Variants in ADAMTS14 observed in about 807,000 individuals in gnomAD.
ADAMTS14 encodes the protein ADAM metallopeptidase with thrombospondin type 1 motif 14, also known as A disintegrin and metalloproteinase with thrombospondin motifs 14.
Under a neutral mutation model 128.6 loss-of-function variants are expected in ADAMTS14, and 100 were observed. The ratio of observed to expected loss-of-function variants is 0.78; its 90% confidence interval spans 0.66 to 0.92. The LOEUF (loss-of-function observed/expected upper bound fraction) is 0.92, where lower values mean the gene tolerates loss of function less well. Ranked by LOEUF, ADAMTS14 falls within the 40% of genes least tolerant of loss-of-function variation. The pLI is 0.00. For missense variants in ADAMTS14, 1,562 were observed against 1,658.6 expected, an observed-to-expected ratio of 0.94 and a Z score of 1.01; for synonymous variants, 665 against 653.8, an observed-to-expected ratio of 1.02 and a Z score of -0.26.
intron 2 of ADAMTS14, among the ~76,000 whole-genome samples, chr10:70,676,020 C>T (rs942924073): frequency 6.6e-6 from 1 of 152,196 alleles, no homozygotes; most frequent in Non-Finnish European, 1.5e-5. Flanking sequence ...GTCTTATCTG[C>T]TGATTTCGTG....
chr10:70,680,276 T>C (rs1338086752), intron 2 of ADAMTS14, among the ~76,000 whole-genome samples: 1 of 151,092 alleles, frequency 6.6e-6, no homozygotes, highest in South Asian at 2.1e-4. Context: ...TGGGGATGCC[T>C]GTAATCCCAG....
intron 4 of ADAMTS14, among the ~76,000 whole-genome samples, chr10:70,721,364 A>G (rs1393710638): frequency 1.3e-5 from 2 of 148,990 alleles, no homozygotes; most frequent in East Asian, 4.0e-4. Flanking sequence ...GGTCTTTATC[A>G]TATGTTACTC....
At chr10:70,745,170 G>A (rs941343570) in intron 14 of ADAMTS14, 56 bp from the exon 15 acceptor site, 1 of 1,555,990 alleles carries the variant, frequency 6.4e-7, no homozygotes, top group Non-Finnish European at 8.8e-7. Flanking sequence ...GGGACGCTGG[G>A]CAGTGGGACC....
At chr10:70,689,098 T>G (rs1589265999) in intron 2 of ADAMTS14, among the ~76,000 whole-genome samples, 1 of 129,728 alleles carries the variant, frequency 7.7e-6, no homozygotes, top group East Asian at 2.0e-4. Context: ...CCTGGCCGAC[T>G]GCTGGCCTGG....
At chr10:70,710,479 C>T (rs1429370894) in intron 4 of ADAMTS14, among the ~76,000 whole-genome samples, 2 of 152,204 alleles carry the variant, frequency 1.3e-5, no homozygotes, top group African/African-American at 4.8e-5. Context: ...ATCATACAGA[C>T]CGAAAGATGA....
intron 15 of ADAMTS14, 106 bp downstream of exon 15, chr10:70,745,412 T>C: frequency 1.7e-6 from 2 of 1,190,774 alleles, no homozygotes; most frequent in East Asian, 2.5e-5. Context: ...AGTGGAATTG[T>C]ACTAACTGGA....
intron 4 of ADAMTS14, among the ~76,000 whole-genome samples, chr10:70,727,180 G>A (rs1841462692): frequency 6.6e-6 from 1 of 152,224 alleles, no homozygotes; most frequent in Non-Finnish European, 1.5e-5. Context: ...GGCTTCTGCT[G>A]CCCACAGTTT....
intron 2 of ADAMTS14, among the ~76,000 whole-genome samples, chr10:70,675,534 T>C (rs111828074): frequency 5.6e-4 from 86 of 152,260 alleles, no homozygotes; most frequent in Non-Finnish European, 9.9e-4. Context: ...CTATTATGTC[T>C]TGTAACATTG....
intron 4 of ADAMTS14, among the ~76,000 whole-genome samples, chr10:70,727,898 A>AT (rs1841495786): frequency 6.6e-6 from 1 of 152,172 alleles, no homozygotes; most frequent in Non-Finnish European, 1.5e-5. Context: ...GATCGAGACC[A>AT]TCCTGGCTAA....
intron 2 of ADAMTS14, among the ~76,000 whole-genome samples, chr10:70,700,368 C>A: frequency 6.6e-6 from 1 of 152,172 alleles, no homozygotes; most frequent in East Asian, 1.9e-4. Flanking sequence ...TGCACCCTAA[C>A]AATTTCTCCC....
At chr10:70,722,659 C>T (rs1046086087) in intron 4 of ADAMTS14, among the ~76,000 whole-genome samples, 2 of 152,142 alleles carry the variant, frequency 1.3e-5, no homozygotes, top group Non-Finnish European at 2.9e-5. Flanking sequence ...AAACATACCC[C>T]AAATCCCCAA....
intron 4 of ADAMTS14, among the ~76,000 whole-genome samples, chr10:70,714,961 A>C (rs1236707121): frequency 6.9e-6 from 1 of 143,950 alleles, no homozygotes; most frequent in South Asian, 2.1e-4. Context: ...AAAAAAAAAA[A>C]AAAAAAAAAA....
In ADAMTS14 at chr10:70,695,364, A is replaced by T. The variant is rs185266025; in HGVS notation, c.523-6948A>T. ...ATTCATAAAGACTTAAGGACATGTT[A>T]AGGGAGGAAGAGATCTGGGTCACTT... On this transcript the variant is annotated intron_variant, in intron 2 of 21. Transcript: ENST00000373207. 5.3e-5 allele frequency among the ~76,000 whole-genome samples: 8 copies of T among 152,276 alleles called. No individual in the cohort carries two copies. In the East Asian group the frequency reaches 1.5e-3, roughly 29 times the overall value.
At chr10:70,717,264 T>A (rs1589293394) in intron 4 of ADAMTS14, among the ~76,000 whole-genome samples, 1 of 150,938 alleles carries the variant, frequency 6.6e-6, no homozygotes, top group African/African-American at 2.4e-5. Context: ...TTAGAGGGGG[T>A]GCTGTCCCTG....
chr10:70,708,673 G>A lies in ADAMTS14; in HGVS notation c.765G>A (p.Lys255=), dbSNP rs1169505160. 2 of 1,613,774 alleles carry A rather than the reference G, an allele frequency of 1.2e-6. No individual in the cohort carries two copies. Among genetic ancestry groups the A allele is most frequent in the African/African-American group, 2.7e-5 (2 of 74,886 alleles). Residue 255 remains lysine (K), a synonymous_variant, in exon 4 of 22, where the codon AAG becomes AAA. Transcript: ENST00000373207. ...GDTERKRRHA[K]PGSYSIEVLL... ...CAGAGCGGAAGCGGCGGCATGCCAA[G>A]CCAGGCAGCTACAGCATCGAGGTGC...
intron 15 of ADAMTS14, among the ~76,000 whole-genome samples, chr10:70,746,754 A>T (rs542498609): frequency 6.6e-6 from 1 of 152,294 alleles, no homozygotes; most frequent in East Asian, 1.9e-4. Flanking sequence ...TTTTCACTGA[A>T]TTGTACACCT....
chr10:70,757,870 C>T lies in ADAMTS14; in HGVS notation c.2938-92C>T, dbSNP rs1842513855. Reference sequence around the variant, plus strand: ...TTTGTACCCTTTCTGTCCCCGGGCACTGGCTGGGCTCTGAGCTCACTGACT... The same window carrying T: ...TTTGTACCCTTTCTGTCCCCGGGCATTGGCTGGGCTCTGAGCTCACTGACT... On this transcript the variant is annotated intron_variant, in intron 19 of 21. Coordinates refer to ENST00000373207, the MANE Select transcript of ADAMTS14 (RefSeq NM_080722.4). The T allele has an allele frequency of 7.3e-6, 11 of 1,498,438 alleles. No individual in the cohort carries two copies. In the South Asian group the frequency reaches 9.4e-5, roughly 13 times the overall value. The allele number at this position is 1,498,438 out of a possible 1,614,324, so 92.8% of individuals were successfully genotyped here. A position where few individuals can be genotyped will look rare whatever the true frequency, so the allele number is the denominator to read the frequency against.
rs116659583 is a variant in ADAMTS14, at chr10:70,746,079, G to A, written c.2263+773G>A. Among the ~76,000 whole-genome samples the A allele has an allele frequency of 5.5e-3, 835 of 152,284 alleles. 11 individuals carry two copies. Among genetic ancestry groups the A allele is most frequent in the African/African-American group, 0.019 (791 of 41,556 alleles). On this transcript the variant is annotated intron_variant, in intron 15 of 21. Coordinates refer to ENST00000373207, the MANE Select transcript of ADAMTS14 (RefSeq NM_080722.4). ...ATGGTAGAAGTGGTGAAGTTACTGT[G>A]CAAAGCAGCATGCATAGAGGAATAG...
chr10:70,751,619 GC>G lies in ADAMTS14; in HGVS notation c.2574del (p.Cys859AlafsTer54). The G allele has an allele frequency of 1.2e-6, 2 of 1,611,364 alleles. No individual in the cohort carries two copies. Among genetic ancestry groups the G allele is most frequent in the Non-Finnish European group, 1.7e-6 (2 of 1,177,748 alleles). ...CTATGAGTGGGCGCTCAAGAGCTGG[GC>G]CCCCTGCAGCAAGGCCTGTGGAGGA... ...DTYEWALKSWAPCSKACGGGI... is the reference protein window; with the variant it reads ...DTYEWALKSWXPCSKACGGGI... On this transcript the variant is annotated frameshift_variant, in exon 17 of 22. Coordinates refer to ENST00000373207, the MANE Select transcript of ADAMTS14 (RefSeq NM_080722.4).
Sources: gnomAD v4.1 joint callset for allele counts (sites outside exome capture counted in the v4.1 genomes callset) on GRCh38, gnomAD v4.1.1 for gene constraint, MANE v1.5 for transcripts, NCBI Gene and HGNC (gene_info 2026-07-23, HGNC 2026-07-21) for gene names.